Variants in PTCH1 observed in about 807,000 individuals in gnomAD.
PTCH1 encodes patched 1.
A neutral mutation model predicts 144.6 loss-of-function variants in PTCH1; 14 were observed. The observed-to-expected ratio is 0.10, with a 90% confidence interval of 0.06 to 0.15. The LOEUF (loss-of-function observed/expected upper bound fraction) is 0.15. Among genes scored for constraint, PTCH1 ranks in the 10% least tolerant of loss-of-function variants. PTCH1 has a pLI of 1.00. For synonymous variants in PTCH1, 833 were observed against 793.6 expected (o/e 1.05, Z -0.83); for missense variants, 1,623 against 1,948.3 (o/e 0.83, Z 3.14).
At chr9:95,450,092 A>C in intron 20 of PTCH1, 152 bp from the exon 21 acceptor site, 1 of 733,528 alleles carries the variant, frequency 1.4e-6, no homozygotes, top group Non-Finnish European at 2.4e-6. Flanking sequence ...CACATTCAAC[A>C]CAAGGTGAGT....
At chr9:95,503,078 C>T (rs1587682477) in intron 2 of PTCH1, among the ~76,000 whole-genome samples, 1 of 152,198 alleles carries the variant, frequency 6.6e-6, no homozygotes, top group Admixed American at 6.5e-5. Context: ...ACTTTCCTCT[C>T]TTCTGTTGTT....
rs755461123 is a variant in PTCH1, at chr9:95,478,981, G to A, written c.1215+19C>T. ...TGCATAACCAGCGAGTCTGCACGCCGATTCGAAGGTGGGTTTACCTCCACA... is the reference window on the plus strand; with the variant it reads ...TGCATAACCAGCGAGTCTGCACGCCAATTCGAAGGTGGGTTTACCTCCACA... On this transcript the variant is annotated intron_variant, in intron 8 of 23. Coordinates refer to ENST00000331920, the MANE Select transcript of PTCH1 (RefSeq NM_000264.5). 15 of 1,614,054 alleles carry A rather than the reference G, an allele frequency of 9.3e-6. No individual in the cohort carries two copies. Among genetic ancestry groups the A allele is most frequent in the African/African-American group, 4.0e-5 (3 of 74,936 alleles).
chr9:95,497,035 T>C (rs1264229639), intron 2 of PTCH1, among the ~76,000 whole-genome samples: 3 of 152,242 alleles, frequency 2.0e-5, no homozygotes, highest in Non-Finnish European at 4.4e-5. Flanking sequence ...TTCCTGTTTT[T>C]ATCATCACTA....
upstream of PTCH1, among the ~76,000 whole-genome samples, chr9:95,513,890 CT>C (rs1384292865): frequency 3.3e-5 from 5 of 152,094 alleles, no homozygotes; most frequent in Non-Finnish European, 7.3e-5. Flanking sequence ...CTAATTACCC[CT>C]GATCTCCTTT....
In PTCH1 at chr9:95,449,419, TC is replaced by T; in HGVS notation, c.3550-97del. On this transcript the variant is annotated intron_variant, in intron 21 of 23. Coordinates refer to ENST00000331920, the MANE Select transcript of PTCH1 (RefSeq NM_000264.5). The surrounding 1 kb of genome is among the most constrained non-coding windows in gnomAD (Gnocchi z 5.3). ...CACGGTATTTTTCAGGGGCCTCTGT[TC>T]CCTGCCCTGGGGCCCTGCGCACTGT... 1 of 1,493,034 alleles carries T rather than the reference TC, an allele frequency of 6.7e-7. No homozygotes were observed. The highest frequency in any genetic ancestry group is 2.5e-5 in the East Asian group (1 of 40,672). The allele number at this position is 1,493,034 out of a possible 1,614,324, so 92.5% of individuals were successfully genotyped here.
At chr9:95,456,227 G>A (rs2136646271) in intron 19 of PTCH1, 49 bp downstream of exon 19, 1 of 1,608,524 alleles carries the variant, frequency 6.2e-7, no homozygotes, top group Non-Finnish European at 8.5e-7. Flanking sequence ...AGAGCCAGAG[G>A]AAATGGGTTG....
rs2136631650 is a variant in PTCH1, at chr9:95,453,554, G to C, written c.3373C>G (p.Pro1125Ala). Reference sequence around the variant, plus strand: ...GTGGACACGGCGCCATCCAGGACGGGTGCAAACATGTGCTCCAGGGCAAGC... The same window carrying C: ...GTGGACACGGCGCCATCCAGGACGGCTGCAAACATGTGCTCCAGGGCAAGC... ...AVLALEHMFA[P>A]VLDGAVSTLL... is the part of the protein sequence containing the mutation. The change falls in exon 20 of 24, where the codon CCC (proline) becomes GCC (alanine). Residue 1125 changes from proline to alanine, a missense_variant. Transcript: ENST00000331920. The C allele has an allele frequency of 6.2e-7, 1 of 1,614,080 alleles. No individual in the cohort carries two copies. The highest frequency in any genetic ancestry group is 2.2e-5 in the East Asian group (1 of 44,880).
At chr9:95,506,770 G>C in intron 1 of PTCH1, 171 bp from the exon 2 acceptor site, 1 of 1,063,004 alleles carries the variant, frequency 9.4e-7, no homozygotes, top group Non-Finnish European at 1.2e-6. Context: ...GAGCGTCATG[G>C]GGGGCTCGGT....
chr9:95,510,527 A>T (rs567196006), upstream of PTCH1, among the ~76,000 whole-genome samples: 1 of 152,108 alleles, frequency 6.6e-6, no homozygotes, highest in Non-Finnish European at 1.5e-5. Context: ...TTGTTTTCGG[A>T]AAGTGGAATG....
intron 22 of PTCH1, 149 bp from the exon 23 acceptor site, chr9:95,447,600 G>A (rs1838076736): frequency 6.0e-6 from 5 of 832,594 alleles, no homozygotes; most frequent in Non-Finnish European, 9.1e-6. Context: ...AGAAAAGCCT[G>A]TCCTTCTAAT....
chr9:95,501,012 T>A (rs1843111262), intron 2 of PTCH1, among the ~76,000 whole-genome samples: 1 of 152,220 alleles, frequency 6.6e-6, no homozygotes, highest in Non-Finnish European at 1.5e-5. Flanking sequence ...GTTATCTGGG[T>A]CTATAAATAC....
intron 2 of PTCH1, among the ~76,000 whole-genome samples, chr9:95,487,273 C>T (rs1025150459): frequency 3.9e-5 from 6 of 152,046 alleles, no homozygotes; most frequent in Non-Finnish European, 5.9e-5. Flanking sequence ...CGTGTGGGGT[C>T]GGGAAGGAGG....
At position 95,456,426 on chromosome 9, in the gene PTCH1, A is replaced by G. The variant is rs2136650747; in HGVS notation, c.3169-13T>C. On this transcript the variant is annotated splice_polypyrimidine_tract_variant and intron_variant, in intron 18 of 23. Coordinates refer to ENST00000331920, the MANE Select transcript of PTCH1 (RefSeq NM_000264.5). ...CCAGGACCATCACCTGGAGCAGGGC[A>G]CACAGTGGTCAGTGGGCGGGCAGGT... 1 of 1,613,414 alleles carries G rather than the reference A, an allele frequency of 6.2e-7. No homozygotes were observed. The highest frequency in any genetic ancestry group is 8.5e-7 in the Non-Finnish European group (1 of 1,179,838).
exon 1 of PTCH1, chr9:95,516,840 CTGCCGCGCCATA>C (rs1428910891): frequency 6.3e-7 from 1 of 1,588,572 alleles, no homozygotes; most frequent in Non-Finnish European, 8.6e-7. Flanking sequence ...CGTGGGTGGT[CTGCCGCGCCATA>C]GGCAGGACCT....
Position 95,445,457 on chromosome 9 carries a change from T to C in PTCH1, c.*936A>G, listed in dbSNP as rs1370405421. ...CCATGATGAACTGATGTGAGCTCCA[T>C]ACCCTGAGGTTCCAGCATCCATCAC... On this transcript the variant is annotated 3_prime_UTR_variant, in exon 24 of 24. Coordinates refer to ENST00000331920, the MANE Select transcript of PTCH1 (RefSeq NM_000264.5). 1 of 152,214 alleles carries C rather than the reference T, an allele frequency of 6.6e-6. No individual in the cohort carries two copies. The highest frequency in any genetic ancestry group is 2.4e-5 in the African/African-American group (1 of 41,428). The allele number at this position is 152,214 out of a possible 1,614,324, so 9.4% of individuals were successfully genotyped here.
upstream of PTCH1, among the ~76,000 whole-genome samples, chr9:95,510,189 G>C (rs1844077355): frequency 6.6e-6 from 1 of 152,148 alleles, no homozygotes; most frequent in Admixed American, 6.5e-5. Flanking sequence ...CCTTGAGAGA[G>C]TAAAGTTTTC....
chr9:95,515,882 C>A (rs1437122898), intron 1 of PTCH1, among the ~76,000 whole-genome samples: 1 of 152,152 alleles, frequency 6.6e-6, no homozygotes, highest in Non-Finnish European at 1.5e-5. Context: ...CACCCCTAGG[C>A]GTGCGTGCGG....
At chr9:95,464,118 G>A (rs1471019630) in intron 15 of PTCH1, among the ~76,000 whole-genome samples, 1 of 152,230 alleles carries the variant, frequency 6.6e-6, no homozygotes, top group Non-Finnish European at 1.5e-5. Context: ...TGGTCACTTA[G>A]GTGCCATTCA....
rs2118094825 is a variant in PTCH1 at position 95,469,890 on chromosome 9, G to A, written c.1770C>T (p.Leu590=). Residue 590 remains leucine, a synonymous_variant, in exon 13 of 24, where the codon CTC becomes CTT. Transcript: ENST00000331920. ...CCATGCTGAGAATTGCAGGAAAAAT[G>A]AGCAGAACCATGGCAAAATTGAACA... The part of the protein sequence containing the change: ...VVVFNFAMVL[L]IFPAILSMDL... 1 of 1,614,126 alleles carries A rather than the reference G, an allele frequency of 6.2e-7. No individual in the cohort carries two copies. Among genetic ancestry groups the A allele is most frequent in the Non-Finnish European group, 8.5e-7 (1 of 1,180,026 alleles).
Sources: gnomAD v4.1 joint callset for allele counts (sites outside exome capture counted in the v4.1 genomes callset) on GRCh38, gnomAD v4.1.1 for gene constraint, Gnocchi (gnomAD v3.1) non-coding constraint, MANE v1.5 for transcripts, NCBI Gene and HGNC (gene_info 2026-07-23, HGNC 2026-07-21) for gene names.